The following NELL1 variants were observed in gnomAD, a reference collection of about 807,000 sequenced individuals.
The protein encoded by NELL1 is protein kinase C-binding protein NELL1.
NELL1 carries 76 observed loss-of-function variants against 107.4 expected under a neutral mutation model. That is an observed-to-expected ratio of 0.71 (90% CI 0.59 to 0.86). The LOEUF (loss-of-function observed/expected upper bound fraction) is 0.86. Among genes scored for constraint, NELL1 ranks in the 40% least tolerant of loss-of-function variants. NELL1 has a pLI of 0.00. For synonymous variants in NELL1, 353 were observed against 341.2 expected (o/e 1.03, Z -0.38); for missense variants, 1,024 against 1,005.5 (o/e 1.02, Z -0.25).
chr11:20,735,489 A>C (rs1433270513), intron 2 of NELL1, among the ~76,000 whole-genome samples: 1 of 152,218 alleles, frequency 6.6e-6, no homozygotes, highest in Admixed American at 6.5e-5. Flanking sequence ...CTTACTCACT[A>C]TCATGAGAAC....
At chr11:21,217,047 A>G (rs1426852803) in intron 13 of NELL1, among the ~76,000 whole-genome samples, 2 of 152,126 alleles carry the variant, frequency 1.3e-5, no homozygotes, top group African/African-American at 4.8e-5. Context: ...TCATGAGGGT[A>G]GTTACCTCCA....
intron 12 of NELL1, among the ~76,000 whole-genome samples, chr11:21,047,320 C>T (rs976068241): frequency 6.6e-6 from 1 of 151,878 alleles, no homozygotes; most frequent in African/African-American, 2.4e-5. Flanking sequence ...TAGTATGCAT[C>T]CCCCCGTTTT....
At chr11:20,889,967 TC>T (rs1468556648) in intron 5 of NELL1, among the ~76,000 whole-genome samples, 3 of 151,966 alleles carry the variant, frequency 2.0e-5, no homozygotes, top group Non-Finnish European at 4.4e-5. Context: ...CGAGTAGGTT[TC>T]CCCCCAGCAA....
At chr11:21,292,122 G>A (rs563886191) in intron 14 of NELL1, among the ~76,000 whole-genome samples, 1 of 152,314 alleles carries the variant, frequency 6.6e-6, no homozygotes, top group South Asian at 2.1e-4. Context: ...AATAGAAAGA[G>A]AGGAAGTCAA....
At chr11:21,462,381 C>G (rs1853920492) in intron 15 of NELL1, among the ~76,000 whole-genome samples, 1 of 152,026 alleles carries the variant, frequency 6.6e-6, no homozygotes, top group South Asian at 2.1e-4. Flanking sequence ...ATGCAATGTC[C>G]TATTTTAGCA....
At chr11:21,136,051 G>A (rs1855738035) in intron 13 of NELL1, among the ~76,000 whole-genome samples, 2 of 152,322 alleles carry the variant, frequency 1.3e-5, no homozygotes, top group South Asian at 4.1e-4. Context: ...CCAAAACAGG[G>A]TAAAGGATTA....
intron 2 of NELL1, among the ~76,000 whole-genome samples, chr11:20,782,666 T>C (rs1170707019): frequency 1.3e-5 from 2 of 152,202 alleles, no homozygotes; most frequent in Non-Finnish European, 2.9e-5. Flanking sequence ...TCCCATGTAG[T>C]CCTGGAGAAA....
chr11:21,108,573 A>G (rs985485532), intron 12 of NELL1, among the ~76,000 whole-genome samples: 1 of 152,158 alleles, frequency 6.6e-6, no homozygotes, highest in African/African-American at 2.4e-5. Context: ...ATATGCTGCA[A>G]TGGGGTTTAT....
chr11:21,228,507 A>C (rs1857952067), intron 13 of NELL1, among the ~76,000 whole-genome samples: 1 of 152,280 alleles, frequency 6.6e-6, no homozygotes, highest in South Asian at 2.1e-4. Context: ...TCCTACTCTC[A>C]GCACAATCCT....
intron 14 of NELL1, among the ~76,000 whole-genome samples, chr11:21,289,895 A>G (rs1243517067): frequency 6.6e-6 from 1 of 152,098 alleles, no homozygotes; most frequent in Non-Finnish European, 1.5e-5. Context: ...AACTGGGTGG[A>G]GCCTACCACA....
intron 14 of NELL1, among the ~76,000 whole-genome samples, chr11:21,261,059 G>A (rs983711764): frequency 9.2e-5 from 14 of 151,744 alleles, no homozygotes; most frequent in African/African-American, 3.4e-4. Flanking sequence ...GTTAGCAACT[G>A]TATTCAGTTA....
intron 3 of NELL1, among the ~76,000 whole-genome samples, chr11:20,821,249 T>C (rs1294138630): frequency 6.6e-6 from 1 of 152,144 alleles, no homozygotes; most frequent in African/African-American, 2.4e-5. Context: ...ATTACTCCTT[T>C]CCCTCCTCCA....
chr11:21,357,058 G>A (rs943055420), intron 14 of NELL1, among the ~76,000 whole-genome samples: 9 of 152,154 alleles, frequency 5.9e-5, no homozygotes, highest in African/African-American at 2.2e-4. Context: ...ATTGGTTGAT[G>A]GGCATTTAGG....
In NELL1 at chr11:21,486,528, G is replaced by A. The variant is rs117878989; in HGVS notation, c.1646-47846G>A. Among the ~76,000 whole-genome samples the A allele has an allele frequency of 2.3e-3, 350 of 152,234 alleles. 14 individuals are homozygous for A. The East Asian group carries it at 0.052, about 23-fold the overall frequency. On this transcript the variant is annotated intron_variant, in intron 15 of 19. Coordinates refer to ENST00000357134, the MANE Select transcript of NELL1 (RefSeq NM_006157.5). ...AAAAATAGAAGTGACTGTTATACAA[G>A]CTATGCAGATGTCAGCATAAGGAAA...
intron 14 of NELL1, among the ~76,000 whole-genome samples, chr11:21,256,229 T>A (rs1173974685): frequency 6.6e-6 from 1 of 152,062 alleles, no homozygotes; most frequent in African/African-American, 2.4e-5. Flanking sequence ...AATTTTTACC[T>A]CTACTGAGCA....
At position 20,845,487 on chromosome 11, in the gene NELL1, C is replaced by A. The variant is rs1036732364; in HGVS notation, c.336-2096C>A. 2.0e-5 allele frequency among the ~76,000 whole-genome samples: 3 copies of A among 152,070 alleles called. No individual in the cohort carries two copies. The South Asian group carries it at 6.2e-4, about 32-fold the overall frequency. On this transcript the variant is annotated intron_variant, in intron 3 of 19. Coordinates refer to ENST00000357134, the MANE Select transcript of NELL1 (RefSeq NM_006157.5). ...GCCCTTTCAAGGTCATGTCCCTTCC[C>A]CAAGTAATTGCTTATTGGTCAAAGT...
At chr11:20,882,737 T>A (rs1242053719) in intron 4 of NELL1, among the ~76,000 whole-genome samples, 1 of 152,244 alleles carries the variant, frequency 6.6e-6, no homozygotes, top group Non-Finnish European at 1.5e-5. Flanking sequence ...ACAGATCTTA[T>A]TCAAATTTTC....
At chr11:21,160,182 CAAGTG>C (rs1293668739) in intron 13 of NELL1, among the ~76,000 whole-genome samples, 3 of 152,140 alleles carry the variant, frequency 2.0e-5, no homozygotes, top group Non-Finnish European at 4.4e-5. Flanking sequence ...AAATTGAGGA[CAAGTG>C]AAAGCTTCAG....
At chr11:20,737,264 T>C (rs948366512) in intron 2 of NELL1, among the ~76,000 whole-genome samples, 3 of 152,016 alleles carry the variant, frequency 2.0e-5, no homozygotes, top group Non-Finnish European at 4.4e-5. Flanking sequence ...GCTCCCTGGG[T>C]AGAACTGATT....
Sources: gnomAD v4.1 joint callset for allele counts (sites outside exome capture counted in the v4.1 genomes callset) on GRCh38, gnomAD v4.1.1 for gene constraint, MANE v1.5 for transcripts, NCBI Gene and HGNC (gene_info 2026-07-23, HGNC 2026-07-21) for gene names.